ZNF804B: variants seen among roughly 807,000 people sequenced by gnomAD.
The protein encoded by ZNF804B is zinc finger protein 804B.
In ZNF804B, 80 loss-of-function variants were observed where a neutral mutation model predicts 101.4. The ratio of observed to expected loss-of-function variants is 0.79; its 90% CI spans 0.66 to 0.95. The LOEUF is 0.95. Among genes scored for constraint, ZNF804B ranks in the 40% least tolerant of loss-of-function variants. ZNF804B has a pLI of 0.00. For synonymous variants in ZNF804B, 622 were observed against 558.8 expected (o/e 1.11, Z -1.59); for missense variants, 1,673 against 1,561.9 (o/e 1.07, Z -1.20).
chr7:88,775,926 T>G (rs1268884266), intron 1 of ZNF804B, among the ~76,000 whole-genome samples: 1 of 152,240 alleles, frequency 6.6e-6, no homozygotes. Flanking sequence ...ATGTTGTCCC[T>G]CCAATTTTAA....
chr7:89,220,952 T>C (rs1254760525), intron 2 of ZNF804B, among the ~76,000 whole-genome samples: 1 of 152,022 alleles, frequency 6.6e-6, no homozygotes, highest in Non-Finnish European at 1.5e-5. Flanking sequence ...CTGGTTTTTA[T>C]GGATAGAGAT....
At chr7:88,821,171 A>C (rs1157728581) in intron 1 of ZNF804B, among the ~76,000 whole-genome samples, 2 of 152,170 alleles carry the variant, frequency 1.3e-5, no homozygotes, top group African/African-American at 4.8e-5. Context: ...TTTCCATGTG[A>C]GTGTATTGAA....
chr7:88,836,786 G>T (rs1791220843), intron 1 of ZNF804B, among the ~76,000 whole-genome samples: 2 of 151,742 alleles, frequency 1.3e-5, no homozygotes, highest in African/African-American at 4.8e-5. Flanking sequence ...TGGATTCCAA[G>T]TCTCCTCACC....
At chr7:88,797,319 C>T (rs1188064970) in intron 1 of ZNF804B, among the ~76,000 whole-genome samples, 4 of 152,102 alleles carry the variant, frequency 2.6e-5, no homozygotes, top group African/African-American at 7.2e-5. Flanking sequence ...GGTCTCTACC[C>T]ACAGTATTTC....
At chr7:88,927,529 T>C (rs1562834374) in intron 1 of ZNF804B, among the ~76,000 whole-genome samples, 1 of 152,144 alleles carries the variant, frequency 6.6e-6, no homozygotes, top group African/African-American at 2.4e-5. Context: ...GTTACTCATC[T>C]TATAAGCAGC....
At chr7:88,805,463 A>G (rs1439564075) in intron 1 of ZNF804B, among the ~76,000 whole-genome samples, 2 of 152,166 alleles carry the variant, frequency 1.3e-5, no homozygotes, top group African/African-American at 2.4e-5. Context: ...CCCAGCATCT[A>G]TTAAATTTAA....
intron 2 of ZNF804B, 93 bp from the exon 3 acceptor site, chr7:89,327,251 G>A: frequency 8.0e-7 from 1 of 1,251,230 alleles, no homozygotes. Context: ...AGTCACCTCT[G>A]CACTTAGGAT....
In ZNF804B at chr7:88,770,897, A is replaced by T. The variant is rs958002628; in HGVS notation, c.108+10813A>T. Among the ~76,000 whole-genome samples, 14 of 152,236 alleles carry T rather than the reference A, an allele frequency of 9.2e-5. 1 individual carries two copies. The highest frequency in any genetic ancestry group is 6.5e-4 in the Admixed American group (10 of 15,288). On this transcript the variant is annotated intron_variant, in intron 1 of 3. Coordinates refer to ENST00000333190, the MANE Select transcript of ZNF804B (RefSeq NM_181646.5). ...ACAAAGAACATCCTATGCAATGTAT[A>T]TCACTTGCATTATTTCCTTATAAGT...
In ZNF804B at chr7:89,336,079, C is replaced by G; in HGVS notation, c.3097C>G (p.Leu1033Val). The G allele has an allele frequency of 1.2e-6, 2 of 1,613,840 alleles. No individual in the cohort carries two copies. The highest frequency in any genetic ancestry group is 1.3e-5 in the African/African-American group (1 of 74,992). ...DNHLSKGIIH[L>V]VTESQSLNIK... Reference sequence around the variant, plus strand: ...CCATCTTTCTAAAGGTATAATTCACCTAGTAACAGAGTCTCAGTCACTAAA... The same window carrying G: ...CCATCTTTCTAAAGGTATAATTCACGTAGTAACAGAGTCTCAGTCACTAAA... The change falls in exon 4 of 4, where the codon CTA (leucine) becomes GTA (valine). Residue 1033 changes from leucine to valine, a missense_variant. Transcript: ENST00000333190.
intron 1 of ZNF804B, among the ~76,000 whole-genome samples, chr7:89,124,584 A>T (rs995211246): frequency 6.6e-6 from 1 of 152,190 alleles, no homozygotes; most frequent in Admixed American, 6.6e-5. Flanking sequence ...ATAACTGAGA[A>T]CATTGAGGCT....
intron 1 of ZNF804B, among the ~76,000 whole-genome samples, chr7:88,913,621 C>A (rs1792585824): frequency 6.6e-6 from 1 of 152,116 alleles, no homozygotes; most frequent in Non-Finnish European, 1.5e-5. Flanking sequence ...GTCTCGAAAT[C>A]CTGACCTCAG....
rs530686067 is a variant in ZNF804B, at chr7:88,831,774, T to G, written c.108+71690T>G. ...CTTATGACAGACTGACCTTGCTCTT[T>G]GACCATTTATAATTGAAATGATAGT... is the stretch of plus-strand genomic sequence containing the variant. On this transcript the variant is annotated intron_variant, in intron 1 of 3. Transcript: ENST00000333190. 4.6e-5 allele frequency among the ~76,000 whole-genome samples: 7 copies of G among 152,074 alleles called. No homozygotes were observed. The South Asian group carries it at 1.0e-3, about 23-fold the overall frequency.
intron 2 of ZNF804B, among the ~76,000 whole-genome samples, chr7:89,236,250 T>C (rs1789277348): frequency 6.6e-6 from 1 of 152,114 alleles, no homozygotes; most frequent in Admixed American, 6.6e-5. Flanking sequence ...ATATGCACGG[T>C]AACTAGATAT....
At chr7:88,889,027 G>A (rs977516679) in intron 1 of ZNF804B, among the ~76,000 whole-genome samples, 1 of 152,102 alleles carries the variant, frequency 6.6e-6, no homozygotes, top group Non-Finnish European at 1.5e-5. Flanking sequence ...CCACTTATTA[G>A]TGAGAATGTG....
At chr7:88,866,489 A>G (rs977758512) in intron 1 of ZNF804B, among the ~76,000 whole-genome samples, 3 of 152,150 alleles carry the variant, frequency 2.0e-5, no homozygotes, top group African/African-American at 7.2e-5. Flanking sequence ...TCCCAATATC[A>G]CCATGTGGTA....
At position 89,150,469 on chromosome 7, in the gene ZNF804B, A is replaced by C. The variant is rs369170095; in HGVS notation, c.109-67686A>C. ...TTGTTAGAAAAAGCATGGGCCTGGG[A>C]ATTTGTCATCCTGGCCTCCAGACGC... On this transcript the variant is annotated intron_variant, in intron 1 of 3. Coordinates refer to ENST00000333190, the MANE Select transcript of ZNF804B (RefSeq NM_181646.5). 1.2e-4 allele frequency among the ~76,000 whole-genome samples: 18 copies of C among 152,176 alleles called. No individual in the cohort carries two copies. In the South Asian group the frequency reaches 3.7e-3, roughly 31 times the overall value.
intron 1 of ZNF804B, among the ~76,000 whole-genome samples, chr7:89,014,021 T>C (rs1788502102): frequency 6.6e-6 from 1 of 152,048 alleles, no homozygotes; most frequent in Admixed American, 6.6e-5. Flanking sequence ...AATATGGGGG[T>C]GCAGATATGT....
chr7:89,239,924 G>C (rs1028183379), intron 2 of ZNF804B, among the ~76,000 whole-genome samples: 2 of 151,680 alleles, frequency 1.3e-5, no homozygotes, highest in African/African-American at 4.8e-5. Flanking sequence ...TAATTCAACT[G>C]AGTGTTTAAT....
intron 1 of ZNF804B, among the ~76,000 whole-genome samples, chr7:88,864,679 G>A (rs1324987424): frequency 6.6e-6 from 1 of 152,154 alleles, no homozygotes; most frequent in Non-Finnish European, 1.5e-5. Flanking sequence ...ACCCTATGGA[G>A]AAGTAAGATC....
Sources: gnomAD v4.1 joint callset for allele counts (sites outside exome capture counted in the v4.1 genomes callset) on GRCh38, gnomAD v4.1.1 for gene constraint, MANE v1.5 for transcripts, NCBI Gene and HGNC (gene_info 2026-07-23, HGNC 2026-07-21) for gene names.